DENND2B: variants seen among roughly 807,000 people sequenced by gnomAD.
The protein encoded by DENND2B is DENN domain-containing protein 2B.
A neutral mutation model predicts 116.0 loss-of-function variants in DENND2B; 32 were observed. That is an observed-to-expected ratio of 0.28 (90% CI 0.21 to 0.37). DENND2B has a LOEUF of 0.37. DENND2B is among the 10% of genes least tolerant of loss of function. DENND2B has a pLI of 1.00. For synonymous variants in DENND2B, 588 were observed against 583.9 expected (o/e 1.01, Z -0.10); for missense variants, 1,276 against 1,477.7 (o/e 0.86, Z 2.24).
chr11:8,863,342 C>T (rs1436813670), intron 2 of DENND2B, among the ~76,000 whole-genome samples: 2 of 131,020 alleles, frequency 1.5e-5, no homozygotes, highest in Admixed American at 7.8e-5. Flanking sequence ...CTGCAAGCTC[C>T]ACCTCTCAGC....
chr11:8,754,092 A>G (rs1162131741), intron 1 of DENND2B, among the ~76,000 whole-genome samples: 1 of 151,524 alleles, frequency 6.6e-6, no homozygotes, highest in Non-Finnish European at 1.5e-5. Flanking sequence ...ATGTCAAAGA[A>G]AAGAACTTTT....
At chr11:8,703,671 A>G (rs930552735) in intron 13 of DENND2B, 4 of 152,300 alleles carry the variant, frequency 2.6e-5, no homozygotes, top group African/African-American at 9.6e-5. Context: ...ATGCTTTACA[A>G]GGAGTTTTTA....
chr11:8,838,850 G>A (rs1203520395), intron 4 of DENND2B, among the ~76,000 whole-genome samples: 1 of 152,142 alleles, frequency 6.6e-6, no homozygotes, highest in Non-Finnish European at 1.5e-5. Flanking sequence ...GACACAAAAA[G>A]TGCTCACCAA....
chr11:8,864,616 CT>C (rs1399986496), intron 2 of DENND2B, among the ~76,000 whole-genome samples: 1 of 152,158 alleles, frequency 6.6e-6, no homozygotes, highest in African/African-American at 2.4e-5. Flanking sequence ...CATCAAACCC[CT>C]AACATTAAGC....
intron 2 of DENND2B, among the ~76,000 whole-genome samples, chr11:8,749,755 T>C (rs1036716142): frequency 1.3e-5 from 2 of 152,200 alleles, no homozygotes; most frequent in African/African-American, 4.8e-5. Context: ...CTATCCATCT[T>C]AGAGGCAGAG....
chr11:8,799,458 G>C (rs76916399), intron 1 of DENND2B, among the ~76,000 whole-genome samples: 1,831 of 151,986 alleles, frequency 0.012, 17 homozygotes, highest in Middle Eastern at 0.062. Flanking sequence ...ACCAGCCAGA[G>C]TCCAAGCCAC....
At chr11:8,798,626 A>G (rs993916230) in intron 1 of DENND2B, among the ~76,000 whole-genome samples, 2 of 152,114 alleles carry the variant, frequency 1.3e-5, no homozygotes, top group South Asian at 4.2e-4. Flanking sequence ...TCAGATGAAA[A>G]GAAGTCTGGA....
intron 19 of DENND2B, 46 bp from the exon 20 acceptor site, chr11:8,694,176 C>A: frequency 6.2e-7 from 1 of 1,607,524 alleles, no homozygotes; most frequent in Non-Finnish European, 8.5e-7. Flanking sequence ...GTTATCCCTT[C>A]CAACCTCCAC....
intron 1 of DENND2B, among the ~76,000 whole-genome samples, chr11:8,801,711 A>C (rs1234923221): frequency 2.0e-5 from 3 of 151,094 alleles, no homozygotes; most frequent in Admixed American, 1.3e-4. Flanking sequence ...GAAACAAACA[A>C]ACACTCCTGA....
chr11:8,733,223 C>CG (rs947823269), intron 2 of DENND2B, among the ~76,000 whole-genome samples: 184 of 152,214 alleles, frequency 1.2e-3, no homozygotes, highest in Non-Finnish European at 2.4e-4. Context: ...AGGCTTGAGG[C>CG]GGGGGGAGAT....
At chr11:8,784,252 G>GA (rs34873883) in intron 1 of DENND2B, 7,136 of 116,908 alleles carry the variant, frequency 0.061, 416 homozygotes, top group African/African-American at 0.15. Context: ...CATCTCTACC[G>GA]AAAAAAAAAA....
At chr11:8,813,168 C>T (rs1385221515), upstream of DENND2B, among the ~76,000 whole-genome samples, 1 of 152,106 alleles carries the variant, frequency 6.6e-6, no homozygotes, top group Non-Finnish European at 1.5e-5. Context: ...ATTCTCAAAA[C>T]AAGATTCTGA....
At chr11:8,733,185 G>T (rs1262084248) in intron 2 of DENND2B, among the ~76,000 whole-genome samples, 2 of 152,216 alleles carry the variant, frequency 1.3e-5, no homozygotes, top group Non-Finnish European at 2.9e-5. Flanking sequence ...CGCACTCCCT[G>T]GGGTAGGGAG....
intron 1 of DENND2B, among the ~76,000 whole-genome samples, chr11:8,771,410 G>A (rs183078080): frequency 3.3e-5 from 5 of 152,160 alleles, no homozygotes; most frequent in African/African-American, 1.2e-4. Context: ...GTGTGTGCGT[G>A]TGTGCACATG....
chr11:8,697,852 G>GGC, intron 16 of DENND2B: 1 of 579,046 alleles, frequency 1.7e-6, no homozygotes, highest in Non-Finnish European at 3.1e-6. Context: ...TAGAGGGTCA[G>GGC]GCGCAGTGGC....
chr11:8,858,446 C>A (rs1302720127), intron 2 of DENND2B, among the ~76,000 whole-genome samples: 1 of 151,942 alleles, frequency 6.6e-6, no homozygotes, highest in Non-Finnish European at 1.5e-5. Context: ...CCTGAGGTGG[C>A]ACACTCGAGC....
chr11:8,781,201 G>A (rs1487305078), intron 1 of DENND2B, among the ~76,000 whole-genome samples: 1 of 152,208 alleles, frequency 6.6e-6, no homozygotes, highest in Admixed American at 6.5e-5. Context: ...ATGCCAAAAA[G>A]AGGACATATG....
intron 1 of DENND2B, among the ~76,000 whole-genome samples, chr11:8,904,848 A>C (rs1320210468): frequency 6.6e-6 from 1 of 152,202 alleles, no homozygotes; most frequent in Non-Finnish European, 1.5e-5. Context: ...AATTTGTTAA[A>C]AGAAGTGCAA....
chr11:8,711,184 T>C lies in DENND2B; in HGVS notation c.2220A>G (p.Lys740=), dbSNP rs866363452. The C allele has an allele frequency of 6.2e-7, 1 of 1,614,100 alleles. No homozygotes were observed. Among genetic ancestry groups the C allele is most frequent in the African/African-American group, 1.3e-5 (1 of 75,040 alleles). ...CAGGGAAGCAAAACTGGGGAATGGC[T>C]TTGAGCCTTTCCTCTGCCTCTCGCA... ...KQMREAEERL[K]AIPQFCFPDA... is the part of the protein sequence containing the mutation. The change falls in exon 10 of 20, where the codon AAA becomes AAG. Residue 740 remains lysine (K), a synonymous_variant. Transcript: ENST00000313726.
Sources: gnomAD v4.1 joint callset for allele counts (sites outside exome capture counted in the v4.1 genomes callset) on GRCh38, gnomAD v4.1.1 for gene constraint, MANE v1.5 for transcripts, NCBI Gene and HGNC (gene_info 2026-07-23, HGNC 2026-07-21) for gene names.